ADAMTSL1: variants seen among roughly 807,000 people sequenced by gnomAD.
The protein encoded by ADAMTSL1 is ADAMTS like 1.
In ADAMTSL1, 126 loss-of-function variants were observed where a neutral mutation model predicts 201.8. The observed-to-expected ratio is 0.62, with a 90% CI of 0.54 to 0.72. ADAMTSL1 has a LOEUF of 0.72. Ranked by LOEUF, ADAMTSL1 falls within the 30% of genes least tolerant of loss-of-function variation. The pLI is 0.00. For synonymous variants in ADAMTSL1, 1,121 were observed against 903.4 expected (o/e 1.24, Z -4.32); for missense variants, 2,679 against 2,277.8 (o/e 1.18, Z -3.59).
At chr9:18,304,056 T>G (rs2132745568) in intron 2 of ADAMTSL1, among the ~76,000 whole-genome samples, 1 of 152,328 alleles carries the variant, frequency 6.6e-6, no homozygotes, top group South Asian at 2.1e-4. Context: ...TGTAAATCTT[T>G]CAGGGTCTAT....
chr9:18,481,090 A>C (rs1201854391), intron 1 of ADAMTSL1, among the ~76,000 whole-genome samples: 1 of 152,238 alleles, frequency 6.6e-6, no homozygotes, highest in Non-Finnish European at 1.5e-5. Context: ...ATGTCAGAAA[A>C]TCAGAGTGAA....
chr9:18,862,859 A>T lies in ADAMTSL1; in HGVS notation c.4250-24972A>T, dbSNP rs143129283. On this transcript the variant is annotated intron_variant, in intron 23 of 28. Coordinates refer to ENST00000380548, the MANE Select transcript of ADAMTSL1 (RefSeq NM_001040272.6). ...GAGTCAACTAGGGACTTATAAACCC[A>T]GAAAGTTGAAACTTTAAAAAAAATG... Among the ~76,000 whole-genome samples the T allele has an allele frequency of 1.7e-4, 26 of 152,328 alleles. 1 individual carries two copies. Among genetic ancestry groups the T allele is most frequent in the African/African-American group, 6.0e-4 (25 of 41,580 alleles).
chr9:18,086,658 G>A (rs754252849), intron 1 of ADAMTSL1, among the ~76,000 whole-genome samples: 10 of 152,082 alleles, frequency 6.6e-5, no homozygotes, highest in Non-Finnish European at 1.2e-4. Flanking sequence ...TTCAGTGATC[G>A]GTAACTGGGT....
At chr9:18,178,655 T>G (rs2132162641) in intron 2 of ADAMTSL1, among the ~76,000 whole-genome samples, 1 of 150,406 alleles carries the variant, frequency 6.6e-6, no homozygotes, top group South Asian at 2.1e-4. Context: ...GAGCAGTGGT[T>G]CTCCCAGCAC....
chr9:18,088,359 C>CT (rs1395453542), intron 1 of ADAMTSL1, among the ~76,000 whole-genome samples: 2 of 152,130 alleles, frequency 1.3e-5, no homozygotes, highest in Non-Finnish European at 2.9e-5. Context: ...GGATAAGATA[C>CT]TAAATGCACA....
intron 1 of ADAMTSL1, among the ~76,000 whole-genome samples, chr9:18,001,112 A>G (rs1331028534): frequency 6.6e-6 from 1 of 152,072 alleles, no homozygotes; most frequent in Non-Finnish European, 1.5e-5. Context: ...TTGTCACTGT[A>G]GCTCATAATA....
At chr9:18,578,808 A>T (rs1822900940) in intron 4 of ADAMTSL1, among the ~76,000 whole-genome samples, 1 of 151,060 alleles carries the variant, frequency 6.6e-6, no homozygotes. Context: ...CGCCACACTG[A>T]CTTCCACAAT....
At chr9:18,090,305 T>C (rs936479641) in intron 1 of ADAMTSL1, among the ~76,000 whole-genome samples, 1 of 152,104 alleles carries the variant, frequency 6.6e-6, no homozygotes, top group Non-Finnish European at 1.5e-5. Context: ...AAATGAATGT[T>C]CATAGCAGCA....
chr9:18,906,576 G>A (rs1017989664), intron 27 of ADAMTSL1, 116 bp from the exon 28 acceptor site: 21 of 825,170 alleles, frequency 2.5e-5, no homozygotes, highest in Admixed American at 8.9e-5. Flanking sequence ...GTCTAGTAAC[G>A]CTGAAAGTTC....
At chr9:18,891,462 G>A (rs1450675331) in intron 25 of ADAMTSL1, among the ~76,000 whole-genome samples, 1 of 152,142 alleles carries the variant, frequency 6.6e-6, no homozygotes, top group Non-Finnish European at 1.5e-5. Flanking sequence ...TTACCACAGG[G>A]TGCACACATG....
intron 4 of ADAMTSL1, among the ~76,000 whole-genome samples, chr9:18,579,868 T>A (rs1822985726): frequency 6.6e-6 from 1 of 152,228 alleles, no homozygotes; most frequent in Non-Finnish European, 1.5e-5. Context: ...TTTATATTTG[T>A]TGTAAAGCAC....
intron 2 of ADAMTSL1, among the ~76,000 whole-genome samples, chr9:18,187,337 T>C (rs1454034986): frequency 6.6e-6 from 1 of 152,146 alleles, no homozygotes; most frequent in Non-Finnish European, 1.5e-5. Flanking sequence ...GTATTGTTAC[T>C]CTGAAAAACT....
At chr9:18,090,895 C>T (rs1823982970) in intron 1 of ADAMTSL1, among the ~76,000 whole-genome samples, 1 of 151,870 alleles carries the variant, frequency 6.6e-6, no homozygotes, top group African/African-American at 2.4e-5. Flanking sequence ...TTTCTTGTTC[C>T]TCATAACCAC....
At chr9:18,018,112 A>T (rs1254734541) in intron 1 of ADAMTSL1, among the ~76,000 whole-genome samples, 1 of 152,104 alleles carries the variant, frequency 6.6e-6, no homozygotes, top group African/African-American at 2.4e-5. Context: ...AGAAAAATAT[A>T]CAACAGAGAT....
chr9:17,918,216 T>C (rs933323812), intron 1 of ADAMTSL1, among the ~76,000 whole-genome samples: 2 of 151,818 alleles, frequency 1.3e-5, no homozygotes, highest in African/African-American at 2.4e-5. Flanking sequence ...ATTTTTCTAG[T>C]TTTGTAAGGT....
At chr9:18,329,257 C>A (rs2132896746) in intron 2 of ADAMTSL1, among the ~76,000 whole-genome samples, 1 of 152,256 alleles carries the variant, frequency 6.6e-6, no homozygotes, top group Admixed American at 6.5e-5. Context: ...GGCTTCCCAG[C>A]CTCTAGAACT....
intron 1 of ADAMTSL1, among the ~76,000 whole-genome samples, chr9:17,981,789 A>G (rs1257515214): frequency 1.3e-5 from 2 of 152,170 alleles, no homozygotes; most frequent in Non-Finnish European, 2.9e-5. Context: ...ACCCCAGGAC[A>G]TCTTTCTCTG....
intron 13 of ADAMTSL1, among the ~76,000 whole-genome samples, chr9:18,689,148 A>G (rs554361892): frequency 3.9e-4 from 60 of 152,284 alleles, no homozygotes; most frequent in African/African-American, 1.3e-3. Flanking sequence ...AAGTGGTAGT[A>G]CAATTATATT....
chr9:18,490,873 G>A (rs942318806), intron 1 of ADAMTSL1, among the ~76,000 whole-genome samples: 1 of 152,122 alleles, frequency 6.6e-6, no homozygotes, highest in African/African-American at 2.4e-5. Flanking sequence ...TAGAGAATTC[G>A]GGAGTATTGG....
Sources: gnomAD v4.1 joint callset for allele counts (sites outside exome capture counted in the v4.1 genomes callset) on GRCh38, gnomAD v4.1.1 for gene constraint, MANE v1.5 for transcripts, NCBI Gene and HGNC (gene_info 2026-07-23, HGNC 2026-07-21) for gene names.